The following NXPE3 variants were observed in gnomAD, a reference collection of about 807,000 sequenced individuals.
NXPE3 encodes NXPE family member 3.
Under a neutral mutation model 46.1 loss-of-function variants are expected in NXPE3, and 26 were observed. The observed-to-expected ratio is 0.56, with a 90% CI of 0.41 to 0.78. The LOEUF is 0.78. Ranked by LOEUF, NXPE3 falls within the 30% of genes least tolerant of loss-of-function variation. The probability of loss-of-function intolerance (pLI) is 0.00; values close to 1 mark genes in which losing one functional copy is unlikely to be tolerated. For missense variants in NXPE3, 620 were observed against 686.0 expected (o/e 0.90, Z 1.07); for synonymous variants, 272 against 257.9 (o/e 1.05, Z -0.52).
chr3:101,801,182 A>G, intron 4 of NXPE3, 53 bp from the exon 5 acceptor site: 1 of 1,525,092 alleles, frequency 6.6e-7, no homozygotes, highest in Non-Finnish European at 8.8e-7. Context: ...TTATGCCAAA[A>G]TACAGAGACC....
At chr3:101,792,427 G>C (rs987202235) in intron 4 of NXPE3, among the ~76,000 whole-genome samples, 6 of 152,170 alleles carry the variant, frequency 3.9e-5, no homozygotes, top group African/African-American at 1.4e-4. Context: ...TCCATCTTGA[G>C]TTGATTTTTG....
Position 101,801,970 on chromosome 3 carries a change from G to T in NXPE3, c.829G>T (p.Glu277Ter). 6.2e-7 allele frequency: 1 copy of T among 1,609,180 alleles called. No individual in the cohort carries two copies. ...CCTGAAAGGTCTCCTAACCGCTGCAGAGAGTGCTTTCTTCCAGAGGTATGT... is the reference window on the plus strand; with the variant it reads ...CCTGAAAGGTCTCCTAACCGCTGCATAGAGTGCTTTCTTCCAGAGGTATGT... ...GYLKGLLTAAESAFFQSGVNI... is the reference protein window; with the variant it reads ...GYLKGLLTAA The change falls in exon 5 of 8, where the codon GAG becomes TAG. Residue 277 changes from glutamate to a stop codon, truncating the protein, a stop_gained. Transcript: ENST00000273347. LOFTEE classifies it high-confidence loss of function.
At chr3:101,805,337 T>C (rs1941363663) in intron 5 of NXPE3, among the ~76,000 whole-genome samples, 1 of 152,206 alleles carries the variant, frequency 6.6e-6, no homozygotes, top group Non-Finnish European at 1.5e-5. Flanking sequence ...GCTTACTCAG[T>C]GTGTTTGGTT....
At chr3:101,799,830 T>C (rs1941037750) in intron 4 of NXPE3, among the ~76,000 whole-genome samples, 1 of 152,244 alleles carries the variant, frequency 6.6e-6, no homozygotes, top group Non-Finnish European at 1.5e-5. Flanking sequence ...CCATTTCATC[T>C]GGGTTATCAA....
rs550005258 is a variant in NXPE3 at position 101,796,397 on chromosome 3, G to A, written c.94-4838G>A. Among the ~76,000 whole-genome samples, 5 of 152,266 alleles carry A rather than the reference G, an allele frequency of 3.3e-5. No individual in the cohort carries two copies. The South Asian group carries it at 1.0e-3, about 32-fold the overall frequency. On this transcript the variant is annotated intron_variant, in intron 4 of 7. Coordinates refer to ENST00000273347, the MANE Select transcript of NXPE3 (RefSeq NM_145037.4). The stretch of plus-strand genomic sequence containing the variant: ...GAAAATTAAGCAAATTGACATTTTT[G>A]CATTTTTGTCATTTGCAAGTAAAAT...
Position 101,821,981 on chromosome 3 carries a change from C to T in NXPE3, c.*27C>T, listed in dbSNP as rs1193571384. ...CTGTCTTGGAAGGGACTGGAGGAAT[C>T]ATATTCAATGACCTTCTCAATTGAC... On this transcript the variant is annotated 3_prime_UTR_variant, in exon 8 of 8. Transcript: ENST00000273347. The T allele has an allele frequency of 1.9e-6, 3 of 1,592,516 alleles. No individual in the cohort carries two copies. Among genetic ancestry groups the T allele is most frequent in the Middle Eastern group, 1.7e-4 (1 of 5,980 alleles).
At chr3:101,796,385 A>G (rs1412974805) in intron 4 of NXPE3, among the ~76,000 whole-genome samples, 1 of 152,186 alleles carries the variant, frequency 6.6e-6, no homozygotes, top group African/African-American at 2.4e-5. Context: ...AATTAAGCAA[A>G]TTGACATTTT....
intron 6 of NXPE3, 66 bp downstream of exon 6, chr3:101,807,192 T>C: frequency 8.3e-7 from 1 of 1,201,006 alleles, no homozygotes; most frequent in South Asian, 1.2e-5. Context: ...GCTCTGTCGT[T>C]TCATTTATGT....
rs1259079764 is a variant in NXPE3, at chr3:101,801,284, A to T, written c.143A>T (p.Gln48Leu). 6.2e-7 allele frequency: 1 copy of T among 1,613,942 alleles called. No homozygotes were observed. Among genetic ancestry groups the T allele is most frequent in the African/African-American group, 1.3e-5 (1 of 74,918 alleles). ...VSATFIDSSGQFVSSQVTGIS... is the reference protein window; with the variant it reads ...VSATFIDSSGLFVSSQVTGIS... ...GCCACTTTCATCGACAGCAGTGGAC[A>T]GTTTGTTTCCTCCCAGGTGACAGGA... Residue 48 changes from glutamine to leucine, a missense_variant, in exon 5 of 8, where the codon CAG becomes CTG. Gln to Leu is a moderately radical substitution (Grantham distance 113). This residue lies in a region of NXPE3 where 511 missense variants were observed against 528.6 expected (regional missense o/e 0.97). Transcript: ENST00000273347.
At position 101,801,241 on chromosome 3, in the gene NXPE3, G is replaced by T. The variant is rs1941122621; in HGVS notation, c.100G>T (p.Asp34Tyr). Residue 34 changes from aspartate to tyrosine, a missense_variant, in exon 5 of 8, where the codon GAC becomes TAC. Physicochemically the swap from Asp to Tyr is radical, Grantham distance 160. Transcript: ENST00000273347. ...TTTGTGTCTTCTTCTTCAGTACTTGGACCATGAGACTGTTTCAGCCACTTT... is the reference window on the plus strand; with the variant it reads ...TTTGTGTCTTCTTCTTCAGTACTTGTACCATGAGACTGTTTCAGCCACTTT... ...VINVTQVEYL[D>Y]HETVSATFID... 6.2e-7 allele frequency: 1 copy of T among 1,608,924 alleles called. No homozygotes were observed. The highest frequency in any genetic ancestry group is 8.5e-7 in the Non-Finnish European group (1 of 1,177,286).
chr3:101,781,325 C>T (rs963506875), intron 1 of NXPE3, among the ~76,000 whole-genome samples: 73 of 152,180 alleles, frequency 4.8e-4, no homozygotes, highest in Admixed American at 4.8e-3. Context: ...ATTAGCTCCC[C>T]AGAGGATAGG....
chr3:101,792,305 G>A (rs1180244949), intron 4 of NXPE3, among the ~76,000 whole-genome samples: 4 of 152,160 alleles, frequency 2.6e-5, no homozygotes, highest in Non-Finnish European at 5.9e-5. Context: ...TGTTGCAATT[G>A]CTTTTGGTGT....
At chr3:101,818,714 TTTATATA>T (rs1942077268) in intron 7 of NXPE3, among the ~76,000 whole-genome samples, 1 of 25,020 alleles carries the variant, frequency 4.0e-5, no homozygotes. Flanking sequence ...TATATGACAA[TTTATATA>T]TATATATATA....
intron 4 of NXPE3, among the ~76,000 whole-genome samples, chr3:101,794,845 A>G (rs1028430027): frequency 9.2e-5 from 14 of 152,208 alleles, no homozygotes; most frequent in African/African-American, 3.4e-4. Context: ...TCCGTACTTA[A>G]TGCCAGCTAA....
Position 101,817,072 on chromosome 3 carries a change from G to T in NXPE3, c.1129+71G>T, listed in dbSNP as rs535384331. The T allele has an allele frequency of 6.2e-5, 84 of 1,356,910 alleles. No homozygotes were observed. The Middle Eastern group carries it at 2.2e-3, about 35-fold the overall frequency. The allele number at this position is 1,356,910 out of a possible 1,614,324, so 84.1% of individuals were successfully genotyped here. On this transcript the variant is annotated intron_variant, in intron 7 of 7. Transcript: ENST00000273347. ...TTGAAATAAGCAGACTCACTCAGGTGCCTGAAGAAAGGTTATCAGGTGAGG... is the reference window on the plus strand; with the variant it reads ...TTGAAATAAGCAGACTCACTCAGGTTCCTGAAGAAAGGTTATCAGGTGAGG...
intron 7 of NXPE3, 105 bp downstream of exon 7, chr3:101,817,106 A>C: frequency 1.0e-6 from 1 of 991,580 alleles, no homozygotes; most frequent in Non-Finnish European, 1.6e-6. Context: ...GGAAACATAT[A>C]TTTCTGTGTA....
intron 1 of NXPE3, among the ~76,000 whole-genome samples, chr3:101,781,210 G>A (rs1348446665): frequency 6.6e-6 from 1 of 152,124 alleles, no homozygotes; most frequent in Non-Finnish European, 1.5e-5. Context: ...CATTTATTTG[G>A]CCAACAGGTC....
chr3:101,783,985 C>T (rs1388616993), intron 3 of NXPE3, among the ~76,000 whole-genome samples: 1 of 152,160 alleles, frequency 6.6e-6, no homozygotes, highest in Admixed American at 6.5e-5. Flanking sequence ...GTGGCCAGGA[C>T]TGGTGGATTT....
chr3:101,808,824 T>G lies in NXPE3; in HGVS notation c.922+1698T>G, dbSNP rs13069623. 2.9e-3 allele frequency among the ~76,000 whole-genome samples: 216 copies of G among 74,840 alleles called. 1 individual carries two copies. The highest frequency in any genetic ancestry group is 4.9e-3 in the Middle Eastern group (1 of 204). The allele number at this position is 74,840 out of a possible 152,430, so 49.1% of individuals were successfully genotyped here. A position where few individuals can be genotyped will look rare whatever the true frequency, so the allele number is the denominator to read the frequency against. ...TGAATTACTAATTTTAGAGGATATATATATATATATATATATATATATATA... is the reference window on the plus strand; with the variant it reads ...TGAATTACTAATTTTAGAGGATATAGATATATATATATATATATATATATA... On this transcript the variant is annotated intron_variant, in intron 6 of 7. Transcript: ENST00000273347.
Sources: gnomAD v4.1 joint callset for allele counts (sites outside exome capture counted in the v4.1 genomes callset) on GRCh38, gnomAD v4.1.1 for gene constraint, gnomAD v4.1.1 regional missense constraint, MANE v1.5 for transcripts, NCBI Gene and HGNC (gene_info 2026-07-23, HGNC 2026-07-21) for gene names.